The following PRDM8 variants were observed in gnomAD, a reference collection of about 807,000 sequenced individuals.
The protein encoded by PRDM8 is PR/SET domain 8.
Under a neutral mutation model 46.5 loss-of-function variants are expected in PRDM8, and 13 were observed. The ratio of observed to expected loss-of-function variants is 0.28; its 90% CI spans 0.18 to 0.44. PRDM8 has a LOEUF of 0.44. Among genes scored for constraint, PRDM8 ranks in the 20% least tolerant of loss-of-function variants. The probability of loss-of-function intolerance (pLI) is 1.00; values close to 1 mark genes in which losing one functional copy is unlikely to be tolerated. For missense variants in PRDM8, 998 were observed against 955.0 expected (o/e 1.04, Z -0.59); for synonymous variants, 473 against 438.4 (o/e 1.08, Z -0.98).
At chr4:80,197,955 G>C (rs984783883) in intron 1 of PRDM8, among the ~76,000 whole-genome samples, 192 bp downstream of exon 1, 1 of 152,240 alleles carries the variant, frequency 6.6e-6, no homozygotes, top group Non-Finnish European at 1.5e-5. Flanking sequence ...AGAAGCCGGA[G>C]ACTGGGGAGC....
In PRDM8 at chr4:80,202,434, C is replaced by T. The variant is rs528863020; in HGVS notation, c.972C>T (p.Gly324=). Residue 324 remains glycine (G), a synonymous_variant, in exon 4 of 4, where the codon GGC becomes GGT. Transcript: ENST00000415738. ...RKFPEEAAEG[G]GGAGLVGGRG... ...TCCCGGAGGAGGCGGCGGAGGGCGG[C>T]GGTGGCGCTGGTCTGGTAGGGGGCC... The T allele has an allele frequency of 3.0e-4, 457 of 1,548,132 alleles. 2 individuals are homozygous for T. In the South Asian group the frequency reaches 5.1e-3, roughly 17 times the overall value.
Position 80,203,154 on chromosome 4 carries a change from C to G in PRDM8, c.1692C>G (p.Ser564Arg). ...ACGGAGGTTGCGGGTCCCTGCCGAG[C>G]GGCGGCGGCGGCCTGCCTAAGCAGA... ...DLNGGCGSLP[S>R]GGGGLPKQSP... is the part of the protein sequence containing the mutation. The change falls in exon 4 of 4, where the codon AGC (serine) becomes AGG (arginine). Residue 564 changes from serine to arginine, a missense_variant. Physicochemically the swap from Ser to Arg is moderately radical, Grantham distance 110 (BLOSUM62 -1). Coordinates refer to ENST00000415738, the MANE Select transcript of PRDM8 (RefSeq NM_001099403.2). 2 of 1,537,342 alleles carry G rather than the reference C, an allele frequency of 1.3e-6. No homozygotes were observed. Among genetic ancestry groups the G allele is most frequent in the East Asian group, 2.5e-5 (1 of 39,862 alleles).
chr4:80,201,606 G>A (rs912681715), intron 3 of PRDM8, 85 bp downstream of exon 3: 3 of 1,361,670 alleles, frequency 2.2e-6, no homozygotes, highest in African/African-American at 1.4e-5. Flanking sequence ...CGGCGCGTTG[G>A]CGCGCCTTTC....
intron 2 of PRDM8, among the ~76,000 whole-genome samples, chr4:80,192,044 C>T (rs1025032850): frequency 6.6e-6 from 1 of 152,110 alleles, no homozygotes; most frequent in African/African-American, 2.4e-5. Flanking sequence ...CTTCTCTTTT[C>T]CTGGAGAAAA....
At chr4:80,190,593 A>G (rs570179281) in intron 1 of PRDM8, among the ~76,000 whole-genome samples, 1 of 152,196 alleles carries the variant, frequency 6.6e-6, no homozygotes, top group African/African-American at 2.4e-5. Flanking sequence ...GATCTCTCCC[A>G]GGGAAACCCG....
At chr4:80,186,627 A>G (rs984060390) in intron 1 of PRDM8, among the ~76,000 whole-genome samples, 1 of 152,018 alleles carries the variant, frequency 6.6e-6, no homozygotes. Flanking sequence ...GCACTTTGCC[A>G]CTCTTCACAG....
intron 2 of PRDM8, among the ~76,000 whole-genome samples, chr4:80,192,196 C>T (rs1737600208): frequency 6.6e-6 from 1 of 152,172 alleles, no homozygotes; most frequent in African/African-American, 2.4e-5. Context: ...CGAATTCTTA[C>T]AGTCCATACC....
chr4:80,202,860 G>C lies in PRDM8; in HGVS notation c.1398G>C (p.Leu466=). 3 of 1,244,620 alleles carry C rather than the reference G, an allele frequency of 2.4e-6. No homozygotes were observed. Among genetic ancestry groups the C allele is most frequent in the African/African-American group, 3.1e-5 (2 of 63,632 alleles). 77.1% of individuals were successfully genotyped at this position (1,244,620 alleles called of 1,614,324 possible). ...RGSAFTSVPQ[L]GSAGSTSGGG... is the part of the protein sequence containing the mutation. ...GCGCCTTCACTTCGGTGCCGCAGCT[G>C]GGCAGCGCGGGCAGCACCAGCGGTG... The change falls in exon 4 of 4, where the codon CTG becomes CTC. Residue 466 remains leucine (L), a synonymous_variant. Coordinates refer to ENST00000415738, the MANE Select transcript of PRDM8 (RefSeq NM_001099403.2).
At position 80,203,441 on chromosome 4, in the gene PRDM8, G is replaced by A. The variant is rs1440418222; in HGVS notation, c.1979G>A (p.Arg660Gln). Residue 660 changes from arginine to glutamine, a missense_variant, in exon 4 of 4, where the codon CGG becomes CAG. Transcript: ENST00000415738. ...KEYAMEPLVK[R>Q]RREEKLKCPI... ...TATGCGATGGAGCCCTTGGTGAAGC[G>A]GCGGCGAGAGGAGAAACTCAAGTGC... 2 of 1,613,466 alleles carry A rather than the reference G, an allele frequency of 1.2e-6. No individual in the cohort carries two copies. The highest frequency in any genetic ancestry group is 1.7e-5 in the Admixed American group (1 of 59,952).
intron 3 of PRDM8, 52 bp downstream of exon 3, chr4:80,201,573 G>T (rs749715816): frequency 2.6e-6 from 4 of 1,533,830 alleles, no homozygotes; most frequent in Middle Eastern, 1.9e-4. Flanking sequence ...GGGGAGAGAC[G>T]CAGGGAGCGG....
chr4:80,189,107 C>T (rs1003709302), intron 1 of PRDM8, among the ~76,000 whole-genome samples: 1 of 152,204 alleles, frequency 6.6e-6, no homozygotes, highest in Non-Finnish European at 1.5e-5. Context: ...CTCTAGGAGG[C>T]CCAGAGCCCT....
chr4:80,195,913 A>G (rs1737907437), upstream of PRDM8: 1 of 178,730 alleles, frequency 5.6e-6, no homozygotes. Flanking sequence ...ACACACACAC[A>G]CACACACACA....
Position 80,202,411 on chromosome 4 carries a change from C to T in PRDM8, c.949C>T (p.Pro317Ser). The T allele has an allele frequency of 1.9e-6, 3 of 1,558,212 alleles. No homozygotes were observed. The highest frequency in any genetic ancestry group is 2.6e-6 in the Non-Finnish European group (3 of 1,152,362). ...TGGGKGKRKF[P>S]EEAAEGGGGA... is the part of the protein sequence containing the mutation. The stretch of plus-strand genomic sequence containing the variant: ...CGGCGGCAAAGGAAAGAGGAAATTC[C>T]CGGAGGAGGCGGCGGAGGGCGGCGG... Residue 317 changes from proline to serine, a missense_variant, in exon 4 of 4, where the codon CCG becomes TCG. Coordinates refer to ENST00000415738, the MANE Select transcript of PRDM8 (RefSeq NM_001099403.2).
At chr4:80,195,958 GAACAAGGA>G, upstream of PRDM8, 1 of 534,384 alleles carries the variant, frequency 1.9e-6, no homozygotes, top group Non-Finnish European at 2.4e-6. Flanking sequence ...GAGAGAGAGA[GAACAAGGA>G]AGAACATGAA....
chr4:80,203,264 T>G lies in PRDM8; in HGVS notation c.1802T>G (p.Leu601Trp). The G allele has an allele frequency of 6.3e-7, 1 of 1,581,484 alleles. No individual in the cohort carries two copies. Among genetic ancestry groups the G allele is most frequent in the South Asian group, 1.1e-5 (1 of 87,632 alleles). ...GCTGCGGCGGCGGCCGCGGGGCCCT[T>G]GCAGCTGCAGCTGCCCTCGGCGCTC... The part of the protein sequence containing the change: ...AAAAAAAAGP[L>W]QLQLPSALTL... Residue 601 changes from leucine to tryptophan, a missense_variant, in exon 4 of 4, where the codon TTG (leucine) becomes TGG (tryptophan). Physicochemically the swap from Leu to Trp is moderately conservative, Grantham distance 61. Coordinates refer to ENST00000415738, the MANE Select transcript of PRDM8 (RefSeq NM_001099403.2).
chr4:80,201,011 A>G (rs1738399817), intron 2 of PRDM8, among the ~76,000 whole-genome samples: 1 of 152,248 alleles, frequency 6.6e-6, no homozygotes, highest in Non-Finnish European at 1.5e-5. Context: ...AATTATAAGA[A>G]GAAATTTCCT....
intron 1 of PRDM8, among the ~76,000 whole-genome samples, chr4:80,188,720 C>A (rs960023080): frequency 6.6e-6 from 1 of 152,230 alleles, no homozygotes; most frequent in African/African-American, 2.4e-5. Context: ...CGGAAAGTTT[C>A]ATATAACTTG....
At chr4:80,197,944 G>T (rs937591605) in intron 1 of PRDM8, among the ~76,000 whole-genome samples, 181 bp downstream of exon 1, 2 of 152,250 alleles carry the variant, frequency 1.3e-5, no homozygotes, top group African/African-American at 4.8e-5. Flanking sequence ...CACTTTGCCG[G>T]AGAAGCCGGA....
Position 80,202,801 on chromosome 4 carries a change from A to G in PRDM8, c.1339A>G (p.Ser447Gly). 1 of 1,228,070 alleles carries G rather than the reference A, an allele frequency of 8.1e-7. No individual in the cohort carries two copies. The highest frequency in any genetic ancestry group is 1.0e-6 in the Non-Finnish European group (1 of 987,860). 76.1% of individuals were successfully genotyped at this position (1,228,070 alleles called of 1,614,324 possible). The change falls in exon 4 of 4, where the codon AGC becomes GGC. Residue 447 changes from serine to glycine, a missense_variant. Transcript: ENST00000415738. ...LAPRPGGPLP[S>G]RLEGGSPARG... ...CCCGCGGCCTGGGGGCCCGCTGCCC[A>G]GCCGGCTCGAGGGCGGCAGTCCTGC...
Sources: gnomAD v4.1 joint callset for allele counts (sites outside exome capture counted in the v4.1 genomes callset) on GRCh38, gnomAD v4.1.1 for gene constraint, MANE v1.5 for transcripts, NCBI Gene and HGNC (gene_info 2026-07-23, HGNC 2026-07-21) for gene names.